Variants in GALNT18 observed in about 807,000 individuals in gnomAD.
GALNT18 encodes GalNAc-transferase 18.
Under a neutral mutation model 69.5 loss-of-function variants are expected in GALNT18, and 44 were observed. The observed-to-expected ratio is 0.63, with a 90% CI of 0.50 to 0.81. GALNT18 has a LOEUF of 0.81. GALNT18 is among the 40% of genes least tolerant of loss of function. GALNT18 has a pLI of 0.00. For missense variants in GALNT18, 715 were observed against 810.0 expected, an observed-to-expected ratio of 0.88 and a Z score of 1.42; for synonymous variants, 364 against 318.2, an observed-to-expected ratio of 1.14 and a Z score of -1.53.
chr11:11,412,520 C>CTA (rs1854754549), intron 3 of GALNT18, among the ~76,000 whole-genome samples: 1 of 152,218 alleles, frequency 6.6e-6, no homozygotes, highest in South Asian at 2.1e-4. Context: ...GCCCCAGGTT[C>CTA]TAAGCACTGT....
At chr11:11,299,835 G>A (rs1849463784) in intron 9 of GALNT18, among the ~76,000 whole-genome samples, 2 of 152,224 alleles carry the variant, frequency 1.3e-5, no homozygotes, top group South Asian at 4.1e-4. Context: ...ACCCAGGATT[G>A]GGATTGCTGG....
chr11:11,610,396 C>T (rs1312253694), intron 1 of GALNT18, among the ~76,000 whole-genome samples: 1 of 152,230 alleles, frequency 6.6e-6, no homozygotes, highest in Non-Finnish European at 1.5e-5. Context: ...AACACCATCC[C>T]ACAGGCCTGC....
At chr11:11,504,904 C>A (rs540611016) in intron 1 of GALNT18, among the ~76,000 whole-genome samples, 1 of 152,248 alleles carries the variant, frequency 6.6e-6, no homozygotes, top group African/African-American at 2.4e-5. Context: ...TTCCTAAGAT[C>A]CCTGTCCTTT....
At chr11:11,412,067 G>T (rs536077217) in intron 3 of GALNT18, among the ~76,000 whole-genome samples, 1 of 152,226 alleles carries the variant, frequency 6.6e-6, no homozygotes, top group East Asian at 1.9e-4. Context: ...AGGTGAACTG[G>T]CCAGCAAAAC....
At chr11:11,354,052 G>A (rs1259943040) in intron 6 of GALNT18, among the ~76,000 whole-genome samples, 1 of 152,200 alleles carries the variant, frequency 6.6e-6, no homozygotes, top group East Asian at 1.9e-4. Flanking sequence ...TTGTTCTAAA[G>A]AGCTTCCCCT....
intron 1 of GALNT18, among the ~76,000 whole-genome samples, chr11:11,510,138 A>T (rs935354344): frequency 1.3e-5 from 2 of 152,212 alleles, no homozygotes; most frequent in Admixed American, 1.3e-4. Context: ...CAAAAGGAGC[A>T]TTACCACCAA....
At chr11:11,475,908 G>A (rs1432410426) in intron 1 of GALNT18, 1 of 152,120 alleles carries the variant, frequency 6.6e-6, no homozygotes, top group Non-Finnish European at 1.5e-5. Flanking sequence ...AGTCTACACA[G>A]GATGAAACAA....
chr11:11,545,353 A>T (rs145536217), intron 1 of GALNT18, among the ~76,000 whole-genome samples: 2 of 152,368 alleles, frequency 1.3e-5, no homozygotes, highest in Non-Finnish European at 2.9e-5. Context: ...TCCTGCTAGC[A>T]GGCAAGGACT....
chr11:11,388,390 C>T (rs1854102673), intron 3 of GALNT18, among the ~76,000 whole-genome samples: 1 of 152,166 alleles, frequency 6.6e-6, no homozygotes, highest in Admixed American at 6.5e-5. Context: ...CTGAAGATGA[C>T]CGTGGCAGGT....
chr11:11,457,547 C>T (rs1362528606), intron 1 of GALNT18, among the ~76,000 whole-genome samples: 5 of 152,222 alleles, frequency 3.3e-5, no homozygotes, highest in Non-Finnish European at 5.9e-5. Flanking sequence ...GGGCTCCCCC[C>T]TCAAGGTTGG....
At chr11:11,531,066 C>G (rs957441787) in intron 1 of GALNT18, among the ~76,000 whole-genome samples, 2 of 152,182 alleles carry the variant, frequency 1.3e-5, no homozygotes, top group African/African-American at 4.8e-5. Context: ...AGGCCTTTGC[C>G]GGCTGCCTTC....
At chr11:11,288,380 A>AGG (rs1849234092) in intron 10 of GALNT18, among the ~76,000 whole-genome samples, 1 of 152,126 alleles carries the variant, frequency 6.6e-6, no homozygotes, top group South Asian at 2.1e-4. Flanking sequence ...TGTCTCTACA[A>AGG]CCTTTATGAT....
chr11:11,322,455 A>C (rs1397357022), intron 9 of GALNT18, among the ~76,000 whole-genome samples: 1 of 152,230 alleles, frequency 6.6e-6, no homozygotes, highest in African/African-American at 2.4e-5. Context: ...CAGAGCAAGA[A>C]TTTACAGAAA....
rs77065674 is a variant in GALNT18 at position 11,342,979 on chromosome 11, A to G, written c.1093-1975T>C. 7.1e-3 allele frequency among the ~76,000 whole-genome samples: 1,079 copies of G among 152,364 alleles called. 8 individuals are homozygous for G. The highest frequency in any genetic ancestry group is 0.012 in the Non-Finnish European group (788 of 68,032). On this transcript the variant is annotated intron_variant, in intron 6 of 10. Coordinates refer to ENST00000227756, the MANE Select transcript of GALNT18 (RefSeq NM_198516.3). Reference sequence around the variant, plus strand: ...TTCTTAGCTATTACTATCAAGCTGAACAGCAGAATCTTTAGAATCACCCTG... The same window carrying G: ...TTCTTAGCTATTACTATCAAGCTGAGCAGCAGAATCTTTAGAATCACCCTG...
intron 10 of GALNT18, among the ~76,000 whole-genome samples, chr11:11,277,303 G>T (rs1472750794): frequency 3.3e-5 from 5 of 152,304 alleles, no homozygotes; most frequent in African/African-American, 7.2e-5. Flanking sequence ...TTGTGTAGAG[G>T]TGTTTACAGT....
Position 11,573,049 on chromosome 11 carries a change from G to A in GALNT18, c.235+48310C>T, listed in dbSNP as rs557094123. Among the ~76,000 whole-genome samples, 1 of 152,348 alleles carries A rather than the reference G, an allele frequency of 6.6e-6. No homozygotes were observed. Among genetic ancestry groups the A allele is most frequent in the Admixed American group, 6.5e-5 (1 of 15,306 alleles). ...CGTTATCTTAGCCCATTTTACAGAT[G>A]AGAAACCTGGGTCTCAGAGATACTA... On this transcript the variant is annotated intron_variant, in intron 1 of 10. Coordinates refer to ENST00000227756, the MANE Select transcript of GALNT18 (RefSeq NM_198516.3). This position sits in a 1 kb window ranked among gnomAD's most constrained non-coding sequence, Gnocchi z 4.6.
chr11:11,338,677 T>C lies in GALNT18; in HGVS notation c.1278+2142A>G, dbSNP rs1427174387. 1.3e-5 allele frequency among the ~76,000 whole-genome samples: 2 copies of C among 151,924 alleles called. No individual in the cohort carries two copies. Among genetic ancestry groups the C allele is most frequent in the African/African-American group, 4.8e-5 (2 of 41,334 alleles). On this transcript the variant is annotated intron_variant, in intron 7 of 10. Transcript: ENST00000227756. The surrounding 1 kb of genome is among the most constrained non-coding windows in gnomAD (Gnocchi z 5.3). ...TCCAGCTGGCAGTTGGAGATGTGAG[T>C]CTGAAAGTGAAGGCAGAAATCAGGG... is the stretch of plus-strand genomic sequence containing the variant.
intron 10 of GALNT18, among the ~76,000 whole-genome samples, chr11:11,284,908 G>GTGTTTTT (rs1554909664): frequency 1.2e-5 from 1 of 82,822 alleles, no homozygotes; most frequent in Non-Finnish European, 2.1e-5. Context: ...AGACTTTCGT[G>GTGTTTTT]TTTTTTTTTT....
rs1857958503 is a variant in GALNT18, at chr11:11,542,843, C to T, written c.235+78516G>A. On this transcript the variant is annotated intron_variant, in intron 1 of 10. Coordinates refer to ENST00000227756, the MANE Select transcript of GALNT18 (RefSeq NM_198516.3). This position sits in a 1 kb window ranked among gnomAD's most constrained non-coding sequence, Gnocchi z 4.3. ...GGTGCTAAGGTTTTGTTTTGTTTTG[C>T]TTTGCTTTGCTTTGCTTTCTGAGAC... Among the ~76,000 whole-genome samples the T allele has an allele frequency of 1.3e-5, 2 of 152,288 alleles. No homozygotes were observed. The highest frequency in any genetic ancestry group is 1.9e-4 in the East Asian group (1 of 5,188).
Sources: gnomAD v4.1 joint callset for allele counts (sites outside exome capture counted in the v4.1 genomes callset) on GRCh38, gnomAD v4.1.1 for gene constraint, Gnocchi (gnomAD v3.1) non-coding constraint, MANE v1.5 for transcripts, NCBI Gene and HGNC (gene_info 2026-07-23, HGNC 2026-07-21) for gene names.